IL17RB: variants seen among roughly 807,000 people sequenced by gnomAD.
The protein encoded by IL17RB is interleukin-17 receptor B.
Under a neutral mutation model 43.9 loss-of-function variants are expected in IL17RB, and 36 were observed. That is an observed-to-expected ratio of 0.82 (90% CI 0.63 to 1.08). IL17RB has a LOEUF of 1.08. Among genes scored for constraint, IL17RB ranks in the 50% least tolerant of loss-of-function variants. The pLI, the probability that IL17RB is intolerant of heterozygous loss-of-function variation, is 0.00. For missense variants in IL17RB, 613 were observed against 613.6 expected, an observed-to-expected ratio of 1.00 and a Z score of 0.01; for synonymous variants, 225 against 225.4, an observed-to-expected ratio of 1.00 and a Z score of 0.02.
intron 1 of IL17RB, among the ~76,000 whole-genome samples, chr3:53,847,650 C>T (rs1054616466): frequency 4.6e-5 from 7 of 151,818 alleles, no homozygotes; most frequent in African/African-American, 1.5e-4. Flanking sequence ...AAAAAGTAGC[C>T]GGGCATGGTG....
At chr3:53,857,783 T>C in intron 8 of IL17RB, 93 bp downstream of exon 8, 1 of 1,137,952 alleles carries the variant, frequency 8.8e-7, no homozygotes. Flanking sequence ...TCTTGTCAAA[T>C]GCACTTCTGC....
rs1325077751 is a variant in IL17RB, at chr3:53,864,737, C to T, written c.947-9C>T. On this transcript the variant is annotated splice_polypyrimidine_tract_variant and intron_variant, in intron 10 of 10. Transcript: ENST00000288167. ...TTCACAGATAACAAATGCTTTTCTC[C>T]TCTCACAGAAAGGATCAAGAAGACT... is the stretch of plus-strand genomic sequence containing the variant. 1.3e-6 allele frequency: 2 copies of T among 1,585,808 alleles called. No homozygotes were observed. Among genetic ancestry groups the T allele is most frequent in the African/African-American group, 2.7e-5 (2 of 74,214 alleles).
rs375626986 is a variant in IL17RB, at chr3:53,852,982, A to G, written c.466A>G (p.Asn156Asp). 8.7e-6 allele frequency: 14 copies of G among 1,614,050 alleles called. No individual in the cohort carries two copies. Among genetic ancestry groups the G allele is most frequent in the Non-Finnish European group, 1.2e-5 (14 of 1,179,942 alleles). ...TGAAGATGGCCCTTCCATGTCTGTG[A>G]ATTTCACCTCACCAGGTAAACTTCC... ...MNEDGPSMSV[N>D]FTSPGCLDHI... is the part of the protein sequence containing the mutation. Residue 156 changes from asparagine to aspartate, a missense_variant, in exon 5 of 11, where the codon AAT (asparagine) becomes GAT (aspartate). Asn to Asp is a conservative substitution (Grantham distance 23). Transcript: ENST00000288167.
intron 3 of IL17RB, among the ~76,000 whole-genome samples, chr3:53,851,560 G>T (rs1313423794): frequency 6.6e-6 from 1 of 152,186 alleles, no homozygotes; most frequent in South Asian, 2.1e-4. Flanking sequence ...GACCTTCAGG[G>T]AGAAGAATCA....
intron 4 of IL17RB, among the ~76,000 whole-genome samples, chr3:53,852,327 A>AG (rs58205042): frequency 0.01 from 1,536 of 152,096 alleles, 21 homozygotes; most frequent in African/African-American, 0.034. Context: ...GTTTTTGTAG[A>AG]GGGGGGTTTC....
At position 53,858,830 on chromosome 3, in the gene IL17RB, G is replaced by GT. The variant is rs753007698; in HGVS notation, c.847+13dup. ...CCCTCTGGATAACAGTAAGTGCCCAGTAACTTCAACCAGATGATCAAAGTG... is the reference window on the plus strand; with the variant it reads ...CCCTCTGGATAACAGTAAGTGCCCAGTTAACTTCAACCAGATGATCAAAGTG... On this transcript the variant is annotated intron_variant, in intron 9 of 10. Coordinates refer to ENST00000288167, the MANE Select transcript of IL17RB (RefSeq NM_018725.4). The GT allele has an allele frequency of 6.2e-7, 1 of 1,600,746 alleles. No individual in the cohort carries two copies. Among genetic ancestry groups the GT allele is most frequent in the East Asian group, 2.2e-5 (1 of 44,806 alleles).
rs780149135 is a variant in IL17RB, at chr3:53,864,996, C to T, written c.1197C>T (p.Asp399=). The T allele has an allele frequency of 1.9e-5, 30 of 1,614,060 alleles. No homozygotes were observed. The highest frequency in any genetic ancestry group is 2.2e-5 in the South Asian group (2 of 91,080). The change falls in exon 11 of 11, where the codon GAC becomes GAT. Residue 399 remains aspartate (D), a synonymous_variant. Transcript: ENST00000288167. ...ADKVVFLLSN[D]VNSVCDGTCG... is the part of the protein sequence containing the mutation. ...AAGTCGTCTTCCTTCTTTCCAATGA[C>T]GTCAACAGTGTGTGCGATGGTACCT...
rs780748397 is a variant in IL17RB, at chr3:53,852,026, A to G, written c.254A>G (p.Lys85Arg). Residue 85 changes from lysine to arginine, a missense_variant, in exon 4 of 11, where the codon AAG becomes AGG. Coordinates refer to ENST00000288167, the MANE Select transcript of IL17RB (RefSeq NM_018725.4). ...AGCATCCGCTTGTTGAAGGCCACCAAGATTTGTGTGACGGGCAAAAGCAAC... is the reference window on the plus strand; with the variant it reads ...AGCATCCGCTTGTTGAAGGCCACCAGGATTTGTGTGACGGGCAAAAGCAAC... ...DASIRLLKATKICVTGKSNFQ... is the reference protein window; with the variant it reads ...DASIRLLKATRICVTGKSNFQ... 6 of 1,614,202 alleles carry G rather than the reference A, an allele frequency of 3.7e-6. No individual in the cohort carries two copies. The South Asian group carries it at 4.4e-5, about 12-fold the overall frequency.
chr3:53,859,579 C>T (rs1699482926), intron 9 of IL17RB: 1 of 152,478 alleles, frequency 6.6e-6, no homozygotes, highest in African/African-American at 2.4e-5. Flanking sequence ...GTAAAAATGT[C>T]ATCTATATGT....
intron 4 of IL17RB, 129 bp from the exon 5 acceptor site, chr3:53,852,742 C>T (rs1699196631): frequency 1.4e-6 from 1 of 740,144 alleles, no homozygotes; most frequent in Non-Finnish European, 2.2e-6. Context: ...CCTAAGTAGA[C>T]ATTGGTTGGA....
chr3:53,854,985 C>T (rs939978209), intron 5 of IL17RB, among the ~76,000 whole-genome samples: 6 of 151,898 alleles, frequency 4.0e-5, no homozygotes, highest in Non-Finnish European at 8.8e-5. Flanking sequence ...GGCGTGGTGG[C>T]GGGCGCCTGT....
chr3:53,854,662 G>A (rs1699268491), intron 5 of IL17RB, among the ~76,000 whole-genome samples: 1 of 152,184 alleles, frequency 6.6e-6, no homozygotes, highest in Non-Finnish European at 1.5e-5. Context: ...CTAGATTAAT[G>A]TGGGGACTGC....
intron 10 of IL17RB, among the ~76,000 whole-genome samples, chr3:53,862,542 G>A (rs79255962): frequency 0.031 from 4,656 of 152,256 alleles, 81 homozygotes; most frequent in Non-Finnish European, 0.047. Context: ...CAAAAAAGGT[G>A]GGGGGTGAAG....
rs759137828 is a variant in IL17RB at position 53,864,917 on chromosome 3, T to C, written c.1118T>C (p.Ile373Thr). Residue 373 changes from isoleucine to threonine, a missense_variant, in exon 11 of 11, where the codon ATA becomes ACA. Ile to Thr is a moderately conservative substitution (Grantham distance 89). Coordinates refer to ENST00000288167, the MANE Select transcript of IL17RB (RefSeq NM_018725.4). Reference protein sequence around the residue: ...VILEKWQKKKIAEMGPVQWLA... With the variant: ...VILEKWQKKKTAEMGPVQWLA... ...CTTGAAAAGTGGCAGAAAAAGAAAATAGCAGAGATGGGTCCAGTGCAGTGG... is the reference window on the plus strand; with the variant it reads ...CTTGAAAAGTGGCAGAAAAAGAAAACAGCAGAGATGGGTCCAGTGCAGTGG... 4 of 1,614,062 alleles carry C rather than the reference T, an allele frequency of 2.5e-6. No homozygotes were observed. Among genetic ancestry groups the C allele is most frequent in the Non-Finnish European group, 2.5e-6 (3 of 1,179,994 alleles).
intron 10 of IL17RB, among the ~76,000 whole-genome samples, chr3:53,863,325 G>A (rs1190948516): frequency 6.6e-6 from 1 of 152,096 alleles, no homozygotes; most frequent in Admixed American, 6.5e-5. Context: ...TAAGGGCTTT[G>A]CTAACTTCAA....
intron 1 of IL17RB, 142 bp downstream of exon 1, chr3:53,846,790 C>T (rs1698919526): frequency 2.4e-6 from 2 of 834,214 alleles, no homozygotes; most frequent in South Asian, 1.9e-5. Context: ...CTCAGGGCAG[C>T]CCCGGACATC....
chr3:53,855,263 A>G, intron 5 of IL17RB, 31 bp from the exon 6 acceptor site: 1 of 1,539,638 alleles, frequency 6.5e-7, no homozygotes. Context: ...ACCTTTTTCT[A>G]AAATGTAAAA....
chr3:53,857,996 T>A (rs556814792), intron 8 of IL17RB: 1 of 337,752 alleles, frequency 3.0e-6, no homozygotes, highest in East Asian at 5.7e-5. Context: ...AGCCTTTAAC[T>A]GCAAGATGAA....
intron 8 of IL17RB, 138 bp from the exon 9 acceptor site, chr3:53,858,581 A>T: frequency 1.4e-6 from 2 of 1,454,486 alleles, no homozygotes; most frequent in Non-Finnish European, 1.8e-6. Context: ...ATGTGTGACC[A>T]AGGGGAAAAT....
Sources: gnomAD v4.1 joint callset for allele counts (sites outside exome capture counted in the v4.1 genomes callset) on GRCh38, gnomAD v4.1.1 for gene constraint, MANE v1.5 for transcripts, NCBI Gene and HGNC (gene_info 2026-07-23, HGNC 2026-07-21) for gene names.